Variants in ACVR1 observed in about 807,000 individuals in gnomAD.
The protein encoded by ACVR1 is activin receptor type-1.
ACVR1 carries 38 observed loss-of-function variants against 57.1 expected under a neutral mutation model. The ratio of observed to expected loss-of-function variants is 0.67; its 90% CI spans 0.51 to 0.87. The LOEUF is 0.87. Among genes scored for constraint, ACVR1 ranks in the 40% least tolerant of loss-of-function variants. The probability of loss-of-function intolerance (pLI) is 0.00; values close to 1 mark genes in which losing one functional copy is unlikely to be tolerated. For synonymous variants in ACVR1, 212 were observed against 228.1 expected (o/e 0.93, Z 0.63); for missense variants, 463 against 638.2 (o/e 0.73, Z 2.96).
At chr2:157,815,015 G>C (rs1196974214) in intron 2 of ACVR1, among the ~76,000 whole-genome samples, 2 of 152,164 alleles carry the variant, frequency 1.3e-5, no homozygotes, top group African/African-American at 4.8e-5. Context: ...CGTGAACCCA[G>C]GAGGCAGAGC....
chr2:157,760,967 C>A lies in ACVR1; in HGVS notation c.1177G>T (p.Val393Leu). ...CTTTTATAAGAATCGAAACAATCCA[C>A]CTGGATGGTTTCATCTAGAACTTCG... ...APEVLDETIQ[V>L]DCFDSYKRVD... Residue 393 changes from valine to leucine, a missense_variant, in exon 9 of 11, where the codon GTG becomes TTG. Coordinates refer to ENST00000434821, the MANE Select transcript of ACVR1 (RefSeq NM_001111067.4). 6.2e-7 allele frequency: 1 copy of A among 1,614,130 alleles called. No individual in the cohort carries two copies. Among genetic ancestry groups the A allele is most frequent in the Non-Finnish European group, 8.5e-7 (1 of 1,179,992 alleles).
intron 2 of ACVR1, among the ~76,000 whole-genome samples, chr2:157,817,377 TG>T (rs1313831342): frequency 1.3e-5 from 2 of 152,084 alleles, no homozygotes; most frequent in Admixed American, 6.5e-5. Flanking sequence ...CAAGGGCTAG[TG>T]GGGATGGGAA....
intron 3 of ACVR1, among the ~76,000 whole-genome samples, chr2:157,789,041 A>G (rs1358381961): frequency 6.6e-6 from 1 of 152,214 alleles, no homozygotes; most frequent in East Asian, 1.9e-4. Flanking sequence ...TCTAATTAAT[A>G]TAGTCCAAAA....
chr2:157,856,870 T>C (rs976741999), intron 1 of ACVR1, among the ~76,000 whole-genome samples: 1 of 152,220 alleles, frequency 6.6e-6, no homozygotes, highest in African/African-American at 2.4e-5. Context: ...CAAGGTTACA[T>C]GATCCATGCT....
At position 157,763,494 on chromosome 2, in the gene ACVR1, T is replaced by C. The variant is rs549340631; in HGVS notation, c.1067-2417A>G. ...AACATTTTGGGAGGCCGAGATGGGA[T>C]TGTCACTTGAGCTCAGGTGTTCAAG... On this transcript the variant is annotated intron_variant, in intron 8 of 10. Transcript: ENST00000434821. Among the ~76,000 whole-genome samples, 3 of 152,226 alleles carry C rather than the reference T, an allele frequency of 2.0e-5. No homozygotes were observed. In the South Asian group the frequency reaches 6.2e-4, roughly 32 times the overall value.
At chr2:157,748,355 T>C (rs984252967) in intron 9 of ACVR1, among the ~76,000 whole-genome samples, 6 of 152,170 alleles carry the variant, frequency 3.9e-5, no homozygotes, top group African/African-American at 7.2e-5. Flanking sequence ...TTCCACATCA[T>C]ACAGTTTATT....
chr2:157,839,484 A>C, intron 1 of ACVR1, among the ~76,000 whole-genome samples: 1 of 152,330 alleles, frequency 6.6e-6, no homozygotes, highest in African/African-American at 2.4e-5. Flanking sequence ...CCAGGCTGAC[A>C]AGACAGTCAC....
At chr2:157,745,597 A>G (rs920249510) in intron 9 of ACVR1, among the ~76,000 whole-genome samples, 2 of 152,194 alleles carry the variant, frequency 1.3e-5, no homozygotes, top group African/African-American at 4.8e-5. Flanking sequence ...CCAGGAAGTC[A>G]GGGGGAAAAT....
At chr2:157,820,575 T>TC (rs1217490482) in intron 1 of ACVR1, among the ~76,000 whole-genome samples, 20 of 140,774 alleles carry the variant, frequency 1.4e-4, no homozygotes, top group Middle Eastern at 3.6e-3. Context: ...ACTCTCTCTC[T>TC]TTTTTTTTTT....
intron 1 of ACVR1, among the ~76,000 whole-genome samples, chr2:157,872,232 G>A (rs371577147): frequency 4.7e-4 from 72 of 152,276 alleles, no homozygotes; most frequent in African/African-American, 1.6e-3. Context: ...GAGATTCTGC[G>A]GATTCCAATT....
Position 157,780,318 on chromosome 2 carries a change from T to C in ACVR1, c.331+19A>G. ...CTAACAAAACCCCTTGATCTAGAAA[T>C]AGAAAAGTCCATGGGAACCTTTAGT... On this transcript the variant is annotated intron_variant, in intron 4 of 10. Coordinates refer to ENST00000434821, the MANE Select transcript of ACVR1 (RefSeq NM_001111067.4). 1.9e-6 allele frequency: 3 copies of C among 1,614,020 alleles called. No homozygotes were observed. Among genetic ancestry groups the C allele is most frequent in the Non-Finnish European group, 2.5e-6 (3 of 1,179,974 alleles).
chr2:157,794,307 T>G (rs1278854310), intron 3 of ACVR1, among the ~76,000 whole-genome samples: 1 of 152,152 alleles, frequency 6.6e-6, no homozygotes, highest in Admixed American at 6.5e-5. Flanking sequence ...CAAATAAAAC[T>G]CTTCCTGCAG....
intron 1 of ACVR1, among the ~76,000 whole-genome samples, chr2:157,843,136 ATCAGT>A (rs1457615135): frequency 1.3e-5 from 2 of 152,234 alleles, no homozygotes; most frequent in Non-Finnish European, 2.9e-5. Flanking sequence ...AATGCTTCAG[ATCAGT>A]AAGAAAGTCA....
At chr2:157,800,896 A>G (rs1486453731) in intron 2 of ACVR1, among the ~76,000 whole-genome samples, 2 of 151,154 alleles carry the variant, frequency 1.3e-5, no homozygotes, top group Admixed American at 1.3e-4. Context: ...CCCCTCCTCC[A>G]CCCCTCTCCA....
chr2:157,861,896 C>A (rs1689730310), intron 1 of ACVR1, among the ~76,000 whole-genome samples: 1 of 152,128 alleles, frequency 6.6e-6, no homozygotes, highest in African/African-American at 2.4e-5. Context: ...ACTCTTAGAT[C>A]ATAATTTAAT....
chr2:157,780,611 G>A lies in ACVR1; in HGVS notation c.68-11C>T, dbSNP rs762584783. 9 of 1,604,558 alleles carry A rather than the reference G, an allele frequency of 5.6e-6. No homozygotes were observed. The East Asian group carries it at 8.9e-5, about 16-fold the overall frequency. ...CCTTGGGCTTCTCATCTGCAAAGGA[G>A]AGAAAGGAAGGGGAAAAAAAAAAAA... On this transcript the variant is annotated splice_polypyrimidine_tract_variant and intron_variant, in intron 3 of 10. Transcript: ENST00000434821.
rs201872272 is a variant in ACVR1 at position 157,774,095 on chromosome 2, C to G, written c.636G>C (p.Glu212Asp). The G allele has an allele frequency of 1.4e-4, 225 of 1,613,716 alleles. No homozygotes were observed. The highest frequency in any genetic ancestry group is 1.8e-4 in the Non-Finnish European group (213 of 1,179,742). Reference sequence around the variant, plus strand: ...AGGAAAAAAAAGAATTACCGACACACTCCAACAGTGTAATCTGGCGAGCCA... The same window carrying G: ...AGGAAAAAAAAGAATTACCGACACAGTCCAACAGTGTAATCTGGCGAGCCA... The part of the protein sequence containing the change: ...RTVARQITLL[E>D]CVGKGRYGEV... Residue 212 changes from glutamate to aspartate, a missense_variant, in exon 6 of 11, where the codon GAG (glutamate) becomes GAC (aspartate). Physicochemically the swap from Glu to Asp is conservative, Grantham distance 45 (BLOSUM62 2). This residue lies in a region of ACVR1 where 114 missense variants were observed against 216.2 expected (regional missense o/e 0.53). Transcript: ENST00000434821.
chr2:157,870,864 T>C (rs1158674029), intron 1 of ACVR1, among the ~76,000 whole-genome samples: 1 of 152,220 alleles, frequency 6.6e-6, no homozygotes, highest in East Asian at 1.9e-4. Flanking sequence ...ATAGAATGTC[T>C]TTCGTCCCCA....
chr2:157,785,287 G>A (rs996117668), intron 3 of ACVR1, among the ~76,000 whole-genome samples: 6 of 152,186 alleles, frequency 3.9e-5, no homozygotes, highest in Admixed American at 2.6e-4. Flanking sequence ...AGGAACTCAA[G>A]TATCCCTGGA....
Sources: allele counts gnomAD v4.1 joint callset (sites outside exome capture counted in the v4.1 genomes callset), GRCh38; gene constraint gnomAD v4.1.1; regional missense constraint gnomAD v4.1.1; transcripts MANE v1.5; gene names NCBI Gene and HGNC (gene_info 2026-07-23, HGNC 2026-07-21).